PPME1: variants seen among roughly 807,000 people sequenced by gnomAD.
PPME1 encodes the protein protein phosphatase methylesterase 1, also known as testicular secretory protein Li 39.
Under a neutral mutation model 56.9 loss-of-function variants are expected in PPME1, and 17 were observed. The observed-to-expected ratio is 0.30, with a 90% confidence interval of 0.20 to 0.45. The LOEUF is 0.45. Among genes scored for constraint, PPME1 ranks in the 20% least tolerant of loss-of-function variants. The pLI is 1.00. For missense variants in PPME1, 357 were observed against 483.2 expected (o/e 0.74, Z 2.45); for synonymous variants, 122 against 156.2 (o/e 0.78, Z 1.63).
chr11:74,251,140 GATGC>G, intron 12 of PPME1, 122 bp downstream of exon 12: 1 of 1,502,088 alleles, frequency 6.7e-7, no homozygotes, highest in Non-Finnish European at 8.9e-7. Context: ...AGCCTATGCA[GATGC>G]AGTTCCACCA....
intron 7 of PPME1, 65 bp from the exon 8 acceptor site, chr11:74,235,836 G>A: frequency 6.4e-7 from 1 of 1,555,028 alleles, no homozygotes; most frequent in Non-Finnish European, 8.7e-7. Flanking sequence ...TTATTTATTT[G>A]ATTCCAATGA....
At chr11:74,180,462 A>G (rs1450281551) in intron 1 of PPME1, among the ~76,000 whole-genome samples, 1 of 152,216 alleles carries the variant, frequency 6.6e-6, no homozygotes, top group Non-Finnish European at 1.5e-5. Context: ...TTAAGATGGT[A>G]TAACTAGGGC....
At chr11:74,209,709 A>G (rs116203664) in intron 3 of PPME1, among the ~76,000 whole-genome samples, 12 of 152,326 alleles carry the variant, frequency 7.9e-5, no homozygotes, top group African/African-American at 2.6e-4. Flanking sequence ...ATATTACTCA[A>G]TTCTAAATAT....
At chr11:74,177,095 G>C (rs917891213) in intron 1 of PPME1, among the ~76,000 whole-genome samples, 1 of 151,862 alleles carries the variant, frequency 6.6e-6, no homozygotes, top group South Asian at 2.1e-4. Context: ...TTATCCAAAG[G>C]CTATCTAGTT....
Position 74,230,182 on chromosome 11 carries a change from A to G in PPME1, c.399-63A>G. ...ACACACCAAAGAAAGGAACTGGGAAAGAAAACCATTTTTACAGTGTTGTCA... is the reference window on the plus strand; with the variant it reads ...ACACACCAAAGAAAGGAACTGGGAAGGAAAACCATTTTTACAGTGTTGTCA... On this transcript the variant is annotated intron_variant, in intron 5 of 13. Coordinates refer to ENST00000328257, the MANE Select transcript of PPME1 (RefSeq NM_016147.3). This position sits in a 1 kb window ranked among gnomAD's most constrained non-coding sequence, Gnocchi z 4.9. 1 of 1,532,432 alleles carries G rather than the reference A, an allele frequency of 6.5e-7. No individual in the cohort carries two copies. The highest frequency in any genetic ancestry group is 1.3e-5 in the South Asian group (1 of 78,702). 94.9% of individuals were successfully genotyped at this position (1,532,432 alleles called of 1,614,324 possible).
intron 1 of PPME1, among the ~76,000 whole-genome samples, chr11:74,191,343 A>T (rs562438938): frequency 2.6e-4 from 40 of 152,352 alleles, no homozygotes; most frequent in Admixed American, 7.2e-4. Context: ...CTGTCTGAAG[A>T]AAAAACAAAG....
chr11:74,198,456 C>A (rs1456885144), intron 1 of PPME1, among the ~76,000 whole-genome samples: 1 of 151,958 alleles, frequency 6.6e-6, no homozygotes, highest in African/African-American at 2.4e-5. Context: ...TCTTCATTTT[C>A]TTTTCTTGTT....
At chr11:74,183,209 A>G (rs534067054) in intron 1 of PPME1, among the ~76,000 whole-genome samples, 20 of 152,120 alleles carry the variant, frequency 1.3e-4, no homozygotes, top group Non-Finnish European at 2.8e-4. Context: ...AGGTGGGAGG[A>G]TGAATTGAGC....
At chr11:74,238,024 G>A (rs1233911959) in intron 8 of PPME1, 2 of 152,218 alleles carry the variant, frequency 1.3e-5, no homozygotes, top group East Asian at 1.9e-4. Context: ...GTAAACCTAT[G>A]TGTAGGAGAG....
rs1591025091 is a variant in PPME1, at chr11:74,193,708, A to T, written c.102-10020A>T. On this transcript the variant is annotated intron_variant, in intron 1 of 13. Coordinates refer to ENST00000328257, the MANE Select transcript of PPME1 (RefSeq NM_016147.3). ...TTGGATTCTAAATGTATCTAGATGT[A>T]TCTGAACAAATTCACTACTAGTTTA... Among the ~76,000 whole-genome samples the T allele has an allele frequency of 4.6e-5, 7 of 152,266 alleles. No homozygotes were observed. In the South Asian group the frequency reaches 1.4e-3, roughly 32 times the overall value.
chr11:74,204,247 G>T lies in PPME1; in HGVS notation c.196-106G>T, dbSNP rs973373607. 1.5e-5 allele frequency: 12 copies of T among 791,040 alleles called. No individual in the cohort carries two copies. The African/African-American group carries it at 1.9e-4, about 13-fold the overall frequency. The allele number at this position is 791,040 out of a possible 1,614,324, so 49.0% of individuals were successfully genotyped here. A position where few individuals can be genotyped will look rare whatever the true frequency, so the allele number is the denominator to read the frequency against. The stretch of plus-strand genomic sequence containing the variant: ...AGTCTGCTTACATCTCTTACATTTG[G>T]CAGTCTGCAGTTTTGCATGTAAGTT... On this transcript the variant is annotated intron_variant, in intron 2 of 13. Coordinates refer to ENST00000328257, the MANE Select transcript of PPME1 (RefSeq NM_016147.3).
chr11:74,224,179 A>G (rs911923143), intron 4 of PPME1, among the ~76,000 whole-genome samples: 22 of 148,098 alleles, frequency 1.5e-4, no homozygotes, highest in African/African-American at 5.3e-4. Flanking sequence ...CAGTTTTCCC[A>G]GCACCATTTA....
chr11:74,224,995 G>A (rs1194649475), intron 4 of PPME1, among the ~76,000 whole-genome samples: 1 of 152,108 alleles, frequency 6.6e-6, no homozygotes, highest in Admixed American at 6.6e-5. Flanking sequence ...GATGTATAAG[G>A]AATGTGGATA....
intron 9 of PPME1, among the ~76,000 whole-genome samples, chr11:74,241,344 T>A (rs1859355293): frequency 6.6e-6 from 1 of 152,272 alleles, no homozygotes; most frequent in Non-Finnish European, 1.5e-5. Flanking sequence ...GGTTGAATAA[T>A]GTGACATTGT....
At chr11:74,190,629 A>G (rs1222380420) in intron 1 of PPME1, among the ~76,000 whole-genome samples, 1 of 152,262 alleles carries the variant, frequency 6.6e-6, no homozygotes, top group Non-Finnish European at 1.5e-5. Flanking sequence ...TTGATACCGA[A>G]GAGTAGGATG....
intron 11 of PPME1, 81 bp downstream of exon 11, chr11:74,247,204 G>T: frequency 7.9e-7 from 1 of 1,261,340 alleles, no homozygotes; most frequent in Non-Finnish European, 1.1e-6. Flanking sequence ...AGATAGTGAG[G>T]TATAACGGAG....
intron 3 of PPME1, among the ~76,000 whole-genome samples, chr11:74,206,446 G>A (rs1011102854): frequency 1.3e-5 from 2 of 152,154 alleles, no homozygotes; most frequent in African/African-American, 4.8e-5. Context: ...CTTGTCTAGA[G>A]AAGAGCAATC....
intron 1 of PPME1, among the ~76,000 whole-genome samples, chr11:74,175,467 C>G (rs1195029686): frequency 2.0e-5 from 3 of 151,996 alleles, no homozygotes; most frequent in Non-Finnish European, 2.9e-5. Context: ...CGCCATTGCA[C>G]TCCAGCCAGG....
intron 1 of PPME1, among the ~76,000 whole-genome samples, chr11:74,178,101 A>C (rs1050569573): frequency 6.6e-6 from 1 of 152,210 alleles, no homozygotes; most frequent in Non-Finnish European, 1.5e-5. Flanking sequence ...AAACAATTTC[A>C]TTCAGGACCC....
Sources: gnomAD v4.1 joint callset for allele counts (sites outside exome capture counted in the v4.1 genomes callset) on GRCh38, gnomAD v4.1.1 for gene constraint, Gnocchi (gnomAD v3.1) non-coding constraint, MANE v1.5 for transcripts, NCBI Gene and HGNC (gene_info 2026-07-23, HGNC 2026-07-21) for gene names.